Variants in MYO3A observed in about 807,000 individuals in gnomAD.
MYO3A encodes myosin-IIIa.
A neutral mutation model predicts 192.7 loss-of-function variants in MYO3A; 180 were observed. That is an observed-to-expected ratio of 0.93 (90% CI 0.83 to 1.06). The LOEUF is 1.06. Ranked by LOEUF, MYO3A falls within the 50% of genes least tolerant of loss-of-function variation. MYO3A has a pLI of 0.00. For synonymous variants in MYO3A, 628 were observed against 645.3 expected (o/e 0.97, Z 0.41); for missense variants, 1,896 against 1,905.0 (o/e 1.00, Z 0.09).
chr10:26,038,883 A>G (rs72793949), intron 10 of MYO3A, among the ~76,000 whole-genome samples: 25,313 of 152,116 alleles, frequency 0.17, 2,382 homozygotes, highest in Non-Finnish European at 0.21. Context: ...GGTTTTTGTC[A>G]TTTAAATTGA....
chr10:26,163,099 C>CA (rs1841560237), intron 26 of MYO3A, among the ~76,000 whole-genome samples: 1 of 152,096 alleles, frequency 6.6e-6, no homozygotes. Context: ...TGGAAAATAG[C>CA]AAAGAGGAGG....
intron 33 of MYO3A, among the ~76,000 whole-genome samples, chr10:26,201,613 G>A (rs1425292736): frequency 6.6e-6 from 1 of 151,512 alleles, no homozygotes; most frequent in Admixed American, 6.6e-5. Flanking sequence ...GTGAACCCGG[G>A]AGACGGAGCT....
At chr10:26,003,369 C>T (rs543503043) in intron 6 of MYO3A, among the ~76,000 whole-genome samples, 1 of 152,154 alleles carries the variant, frequency 6.6e-6, no homozygotes, top group South Asian at 2.1e-4. Flanking sequence ...AAAAAGAAAA[C>T]AGTAACCCTC....
intron 6 of MYO3A, 112 bp downstream of exon 6, chr10:25,997,370 C>A: frequency 1.2e-6 from 1 of 829,020 alleles, no homozygotes; most frequent in East Asian, 2.7e-5. Flanking sequence ...GAGGAAAAAT[C>A]AGTAGTATCT....
chr10:26,041,146 C>G (rs1843324297), intron 10 of MYO3A, among the ~76,000 whole-genome samples: 1 of 151,958 alleles, frequency 6.6e-6, no homozygotes, highest in African/African-American at 2.4e-5. Context: ...ACATAGTGAC[C>G]TTTTTTGTCT....
Position 26,062,515 on chromosome 10 carries a change from C to CAAAAAAAAAAAAAAA in MYO3A, c.954-4456_954-4442dup, listed in dbSNP as rs573334201. On this transcript the variant is annotated intron_variant, in intron 10 of 34. Transcript: ENST00000642920. ...CTGGCGACAGAGTGAGATGCCATCT[C>CAAAAAAAAAAAAAAA]AAAAAAAAAAAAAAAAAATTATGGA... Among the ~76,000 whole-genome samples, 36 of 42,236 alleles carry CAAAAAAAAAAAAAAA rather than the reference C, an allele frequency of 8.5e-4. 3 individuals carry two copies. Among genetic ancestry groups the CAAAAAAAAAAAAAAA allele is most frequent in the South Asian group, 1.3e-3 (1 of 798 alleles). The allele number at this position is 42,236 out of a possible 152,430, so 27.7% of individuals were successfully genotyped here.
chr10:26,101,154 CCTT>C (rs1357386412), intron 17 of MYO3A, among the ~76,000 whole-genome samples: 1 of 152,148 alleles, frequency 6.6e-6, no homozygotes, highest in Non-Finnish European at 1.5e-5. Flanking sequence ...TATGTAATGG[CCTT>C]CTTTGTCTCT....
intron 22 of MYO3A, among the ~76,000 whole-genome samples, chr10:26,146,631 G>A (rs1470204880): frequency 6.6e-6 from 1 of 152,154 alleles, no homozygotes; most frequent in Non-Finnish European, 1.5e-5. Flanking sequence ...AGTCTTATTG[G>A]TGTAGGGTCT....
intron 26 of MYO3A, among the ~76,000 whole-genome samples, chr10:26,159,903 A>G (rs1417564596): frequency 6.6e-6 from 1 of 152,116 alleles, no homozygotes; most frequent in African/African-American, 2.4e-5. Flanking sequence ...ATCAGACACA[A>G]TTTTATAACC....
chr10:26,033,150 T>A (rs2131163093), intron 10 of MYO3A, among the ~76,000 whole-genome samples: 1 of 152,324 alleles, frequency 6.6e-6, no homozygotes, highest in Non-Finnish European at 1.5e-5. Context: ...CTCAGCTCAC[T>A]GCAACCCCCA....
At chr10:26,042,175 A>G (rs1843388213) in intron 10 of MYO3A, among the ~76,000 whole-genome samples, 1 of 152,146 alleles carries the variant, frequency 6.6e-6, no homozygotes, top group African/African-American at 2.4e-5. Flanking sequence ...TCCACTAAAA[A>G]TTCAGCTGCC....
chr10:26,125,978 A>AT, intron 19 of MYO3A, among the ~76,000 whole-genome samples: 1 of 152,222 alleles, frequency 6.6e-6, no homozygotes, highest in Admixed American at 6.5e-5. Context: ...CTTTGTTTTT[A>AT]TTTTGAAGGT....
chr10:26,052,028 G>A (rs1273184705), intron 10 of MYO3A, among the ~76,000 whole-genome samples: 1 of 152,156 alleles, frequency 6.6e-6, no homozygotes, highest in Non-Finnish European at 1.5e-5. Context: ...ACATTATAAG[G>A]TATAGAGTAT....
chr10:25,973,659 A>T (rs540081629), intron 4 of MYO3A, among the ~76,000 whole-genome samples: 2 of 152,142 alleles, frequency 1.3e-5, no homozygotes, highest in African/African-American at 4.8e-5. Flanking sequence ...TTCCATCAAT[A>T]TCTAGTTTAT....
chr10:26,049,519 G>T (rs910653704), intron 10 of MYO3A, among the ~76,000 whole-genome samples: 1 of 152,158 alleles, frequency 6.6e-6, no homozygotes, highest in Non-Finnish European at 1.5e-5. Flanking sequence ...TGATACATAT[G>T]AGAGGGGATC....
chr10:26,165,965 C>T, intron 26 of MYO3A, 102 bp from the exon 27 acceptor site: 1 of 947,960 alleles, frequency 1.1e-6, no homozygotes, highest in Non-Finnish European at 1.7e-6. Context: ...CAAGTCTGGG[C>T]ATCTCTTCCT....
intron 12 of MYO3A, among the ~76,000 whole-genome samples, chr10:26,069,150 T>C (rs1292296255): frequency 6.6e-6 from 1 of 152,102 alleles, no homozygotes; most frequent in East Asian, 1.9e-4. Context: ...ATTGTATCAC[T>C]AAACAGATGC....
intron 8 of MYO3A, 77 bp from the exon 9 acceptor site, chr10:26,023,945 A>C: frequency 1.6e-6 from 2 of 1,263,570 alleles, no homozygotes; most frequent in Non-Finnish European, 2.3e-6. Context: ...GGATTGCATT[A>C]GTCTATCTGG....
At chr10:26,108,904 G>T (rs1837993654) in intron 17 of MYO3A, among the ~76,000 whole-genome samples, 1 of 152,134 alleles carries the variant, frequency 6.6e-6, no homozygotes, top group African/African-American at 2.4e-5. Flanking sequence ...TTGGAAACTA[G>T]GGCCCTGCCT....
Sources: allele counts gnomAD v4.1 joint callset (sites outside exome capture counted in the v4.1 genomes callset), GRCh38; gene constraint gnomAD v4.1.1; transcripts MANE v1.5; gene names NCBI Gene and HGNC (gene_info 2026-07-23, HGNC 2026-07-21).